The following YEATS2 variants were observed in gnomAD, a reference collection of about 807,000 sequenced individuals.
YEATS2 encodes YEATS domain containing 2, also known as YEATS domain-containing protein 2.
Under a neutral mutation model 163.2 loss-of-function variants are expected in YEATS2, and 77 were observed. The observed-to-expected ratio is 0.47, with a 90% confidence interval of 0.39 to 0.57. YEATS2 has a LOEUF of 0.57. Ranked by LOEUF, YEATS2 falls within the 20% of genes least tolerant of loss-of-function variation. The pLI, the probability that YEATS2 is intolerant of heterozygous loss-of-function variation, is 0.00. For synonymous variants in YEATS2, 631 were observed against 645.1 expected, an observed-to-expected ratio of 0.98 and a Z score of 0.33; for missense variants, 1,549 against 1,729.8, an observed-to-expected ratio of 0.90 and a Z score of 1.85.
At chr3:183,708,761 G>A (rs993116119) in intron 1 of YEATS2, among the ~76,000 whole-genome samples, 2 of 152,130 alleles carry the variant, frequency 1.3e-5, no homozygotes, top group African/African-American at 4.8e-5. Flanking sequence ...CTACTCGGAA[G>A]GCTGAGGCAG....
intron 21 of YEATS2, among the ~76,000 whole-genome samples, chr3:183,796,348 T>G (rs555093925): frequency 1.3e-5 from 2 of 151,972 alleles, no homozygotes; most frequent in South Asian, 4.2e-4. Flanking sequence ...GTGCCTTGTA[T>G]GCTCCTTCAC....
rs745623079 is a variant in YEATS2 at position 183,773,781 on chromosome 3, T to C, written c.2355T>C (p.Ala785=). The C allele has an allele frequency of 1.3e-5, 21 of 1,607,762 alleles. No individual in the cohort carries two copies. Among genetic ancestry groups the C allele is most frequent in the Admixed American group, 1.7e-5 (1 of 58,182 alleles). ...LLIPQGAILR[A]TNNANLQSGS... ...TCCCTCAAGGAGCCATCCTGCGAGC[T>C]ACGAACAATGCTAGTTAGTGAAACC... is the stretch of plus-strand genomic sequence containing the variant. Residue 785 remains alanine, a synonymous_variant, in exon 17 of 31, where the codon GCT becomes GCC. Transcript: ENST00000305135.
Position 183,776,341 on chromosome 3 carries a change from C to G in YEATS2, c.2577+218C>G, listed in dbSNP as rs150696662. The stretch of plus-strand genomic sequence containing the variant: ...GGTGGATCGCTTGAGCCCAGGAGTT[C>G]GAGACCAACCTGGGCAACATGGCAA... On this transcript the variant is annotated intron_variant, in intron 18 of 30. Transcript: ENST00000305135. 5.3e-5 allele frequency among the ~76,000 whole-genome samples: 8 copies of G among 151,940 alleles called. No individual in the cohort carries two copies. In the East Asian group the frequency reaches 1.4e-3, roughly 26 times the overall value.
At chr3:183,788,199 G>A (rs749109266) in intron 20 of YEATS2, among the ~76,000 whole-genome samples, 1 of 151,442 alleles carries the variant, frequency 6.6e-6, no homozygotes, top group East Asian at 1.9e-4. Context: ...AGAAATTATT[G>A]TGAATTTTGG....
chr3:183,803,885 C>A (rs1239469484), intron 26 of YEATS2, 102 bp from the exon 27 acceptor site: 16 of 1,230,616 alleles, frequency 1.3e-5, no homozygotes, highest in African/African-American at 6.2e-5. Flanking sequence ...AAAAAAAATT[C>A]TAACAGGTTA....
At chr3:183,801,742 T>C in intron 25 of YEATS2, 1 of 446,504 alleles carries the variant, frequency 2.2e-6, no homozygotes. Flanking sequence ...GTAGAAGGAA[T>C]GTTTTACATT....
At chr3:183,709,778 C>T (rs1007361319) in intron 1 of YEATS2, among the ~76,000 whole-genome samples, 5 of 150,916 alleles carry the variant, frequency 3.3e-5, no homozygotes, top group African/African-American at 1.2e-4. Context: ...TCCGGGTTCA[C>T]GCCATTCTCC....
Position 183,718,570 on chromosome 3 carries a change from C to T in YEATS2, c.269C>T (p.Ala90Val). The T allele has an allele frequency of 6.2e-7, 1 of 1,612,774 alleles. No homozygotes were observed. The highest frequency in any genetic ancestry group is 8.5e-7 in the Non-Finnish European group (1 of 1,179,550). ...ACIVANYYAS[A>V]GLLKVSEGSK... ...ATTGTAGCAAACTACTATGCTTCTG[C>T]AGGTCTTCTAAAAGTTTCTGAGGTA... is the stretch of plus-strand genomic sequence containing the variant. Residue 90 changes from alanine (A) to valine (V), a missense_variant, in exon 4 of 31, where the codon GCA (alanine) becomes GTA (valine). Physicochemically the swap from Ala to Val is moderately conservative, Grantham distance 64. Coordinates refer to ENST00000305135, the MANE Select transcript of YEATS2 (RefSeq NM_018023.5).
At chr3:183,715,120 T>C in intron 1 of YEATS2, 24 bp from the exon 2 acceptor site, 1 of 1,454,212 alleles carries the variant, frequency 6.9e-7, no homozygotes, top group Non-Finnish European at 9.6e-7. Context: ...AATTAAAAAT[T>C]ATTAATTTAT....
intron 4 of YEATS2, among the ~76,000 whole-genome samples, chr3:183,719,125 T>C (rs1053471614): frequency 6.6e-6 from 1 of 152,162 alleles, no homozygotes; most frequent in Non-Finnish European, 1.5e-5. Context: ...CTTTCCGCAT[T>C]GTCAATAATC....
At chr3:183,708,618 C>T (rs1050352857) in intron 1 of YEATS2, among the ~76,000 whole-genome samples, 15 of 152,060 alleles carry the variant, frequency 9.9e-5, no homozygotes, top group African/African-American at 2.9e-4. Context: ...CAAATCTCAG[C>T]ACTTTGGAAG....
chr3:183,757,410 C>T (rs979791020), intron 12 of YEATS2, among the ~76,000 whole-genome samples: 1 of 152,124 alleles, frequency 6.6e-6, no homozygotes, highest in Non-Finnish European at 1.5e-5. Context: ...CCTGCCTCAG[C>T]CTCCCATGTA....
chr3:183,806,363 T>C (rs1156243187), intron 27 of YEATS2: 1 of 456,616 alleles, frequency 2.2e-6, no homozygotes, highest in South Asian at 1.5e-5. Context: ...AGGGCACTAG[T>C]GCCCTAGATC....
intron 21 of YEATS2, among the ~76,000 whole-genome samples, chr3:183,794,880 C>T: frequency 6.6e-6 from 1 of 152,028 alleles, no homozygotes; most frequent in East Asian, 1.9e-4. Flanking sequence ...CTGAAGACCC[C>T]ATCTAGGGGC....
At position 183,810,653 on chromosome 3, in the gene YEATS2, T is replaced by G; in HGVS notation, c.*70T>G. On this transcript the variant is annotated 3_prime_UTR_variant, in exon 31 of 31. Transcript: ENST00000305135. ...AAGCTGTAACTGAGGACCCTGCTGC[T>G]CGGGAAGGAGGTGGTTTCCAGTGTG... 1 of 1,462,788 alleles carries G rather than the reference T, an allele frequency of 6.8e-7. No homozygotes were observed. The highest frequency in any genetic ancestry group is 9.5e-7 in the Non-Finnish European group (1 of 1,053,130). 90.6% of individuals were successfully genotyped at this position (1,462,788 alleles called of 1,614,324 possible).
At chr3:183,757,312 CAG>C (rs978867329) in intron 12 of YEATS2, among the ~76,000 whole-genome samples, 1 of 152,030 alleles carries the variant, frequency 6.6e-6, no homozygotes, top group African/African-American at 2.4e-5. Context: ...TTTATTGAGA[CAG>C]AGTCTTGCTC....
chr3:183,704,994 G>A (rs1187013393), intron 1 of YEATS2, among the ~76,000 whole-genome samples: 3 of 151,972 alleles, frequency 2.0e-5, no homozygotes, highest in Non-Finnish European at 4.4e-5. Context: ...GTGTGTATTT[G>A]TTAATTCTGG....
chr3:183,699,074 G>A (rs1475440920), intron 1 of YEATS2, among the ~76,000 whole-genome samples: 2 of 152,296 alleles, frequency 1.3e-5, no homozygotes, highest in East Asian at 3.9e-4. Flanking sequence ...AACCTACGAG[G>A]TCAGTTACTG....
chr3:183,787,205 A>G (rs1202405595), intron 20 of YEATS2, among the ~76,000 whole-genome samples: 2 of 152,108 alleles, frequency 1.3e-5, no homozygotes, highest in African/African-American at 2.4e-5. Flanking sequence ...CACCTGCCTC[A>G]TCTCCCAAAG....
Sources: gnomAD v4.1 joint callset for allele counts (sites outside exome capture counted in the v4.1 genomes callset) on GRCh38, gnomAD v4.1.1 for gene constraint, MANE v1.5 for transcripts, NCBI Gene and HGNC (gene_info 2026-07-23, HGNC 2026-07-21) for gene names.